Variants in WDR53 observed in about 807,000 individuals in gnomAD.
WDR53 encodes WD repeat-containing protein 53.
In WDR53, 19 loss-of-function variants were observed where a neutral mutation model predicts 21.3. The ratio of observed to expected loss-of-function variants is 0.89; its 90% CI spans 0.62 to 1.31. The LOEUF (loss-of-function observed/expected upper bound fraction) is 1.31, where lower values mean the gene tolerates loss of function less well. Among genes scored for constraint, WDR53 ranks in the 50% most tolerant of loss-of-function variants. WDR53 has a pLI of 0.00. For missense variants in WDR53, 374 were observed against 423.2 expected, an observed-to-expected ratio of 0.88 and a Z score of 1.02; for synonymous variants, 157 against 163.4, an observed-to-expected ratio of 0.96 and a Z score of 0.30.
At chr3:196,560,922 G>A (rs564450844) in intron 3 of WDR53, 74 bp downstream of exon 3, 20 of 1,518,258 alleles carry the variant, frequency 1.3e-5, no homozygotes, top group African/African-American at 5.6e-5. Context: ...AAGATATTTC[G>A]TGTGATCAAT....
chr3:196,558,478 A>G (rs1000662036), intron 3 of WDR53, among the ~76,000 whole-genome samples: 1 of 152,208 alleles, frequency 6.6e-6, no homozygotes, highest in Non-Finnish European at 1.5e-5. Context: ...AAGTGCTGGG[A>G]TCCCAGGCAT....
chr3:196,561,158 T>C lies in WDR53; in HGVS notation c.318A>G (p.Glu106=), dbSNP rs1734809735. Residue 106 remains glutamate (E), a synonymous_variant, in exon 3 of 4, where the codon GAA becomes GAG. Transcript: ENST00000332629. The part of the protein sequence containing the change: ...EINCLSLNQT[E]NLLASADDSG... ...AGTCGTCAGCAGAAGCCAGCAGGTTTTCCGTTTGATTCAATGAAAGACAAT... is the reference window on the plus strand; with the variant it reads ...AGTCGTCAGCAGAAGCCAGCAGGTTCTCCGTTTGATTCAATGAAAGACAAT... The C allele has an allele frequency of 1.2e-6, 2 of 1,614,238 alleles. No homozygotes were observed. The highest frequency in any genetic ancestry group is 1.7e-6 in the Non-Finnish European group (2 of 1,180,038).
chr3:196,560,891 T>C lies in WDR53; in HGVS notation c.480+105A>G, dbSNP rs898572030. 9 of 1,394,464 alleles carry C rather than the reference T, an allele frequency of 6.5e-6. No homozygotes were observed. In the East Asian group the frequency reaches 1.4e-4, roughly 21 times the overall value. The allele number at this position is 1,394,464 out of a possible 1,614,324, so 86.4% of individuals were successfully genotyped here. On this transcript the variant is annotated intron_variant, in intron 3 of 3. Coordinates refer to ENST00000332629, the MANE Select transcript of WDR53 (RefSeq NM_182627.3). ...GCTTATTGTTCATAAATGGATATGT[T>C]AGTAGAAAACAGAAAAAGCAAAGAT...
At chr3:196,554,902 G>A in intron 3 of WDR53, 95 bp from the exon 4 acceptor site, 1 of 1,006,854 alleles carries the variant, frequency 9.9e-7, no homozygotes, top group Non-Finnish European at 1.5e-6. Context: ...CGTTAAAGTA[G>A]TCTGAGAATG....
At chr3:196,568,284 C>G (rs1160298346) in intron 1 of WDR53, among the ~76,000 whole-genome samples, 1 of 152,124 alleles carries the variant, frequency 6.6e-6, no homozygotes. Context: ...GCCTCCGCTG[C>G]CCAAGCTACA....
intron 3 of WDR53, among the ~76,000 whole-genome samples, chr3:196,557,784 C>CT (rs199924744): frequency 0.41 from 57,781 of 142,546 alleles, 12,043 homozygotes; most frequent in Middle Eastern, 0.52. Context: ...TTTTTCTTTT[C>CT]TTTTTTTTTT....
intron 1 of WDR53, among the ~76,000 whole-genome samples, chr3:196,567,714 T>C (rs1248388212): frequency 1.3e-5 from 2 of 151,760 alleles, no homozygotes; most frequent in East Asian, 3.9e-4. Context: ...TGGGGCCACC[T>C]AGGAAATCGT....
Position 196,561,180 on chromosome 3 carries a change from CAATT to C in WDR53, c.292_295del (p.Asn98ValfsTer4). ...GTTTTCCGTTTGATTCAATGAAAGA[CAATT>C]GATTTCTTCTTCATTCACATGAAAA... On this transcript the variant is annotated frameshift_variant, in exon 3 of 4. Transcript: ENST00000332629. LOFTEE classifies it high-confidence loss of function. 6.2e-7 allele frequency: 1 copy of C among 1,614,196 alleles called. No homozygotes were observed. The highest frequency in any genetic ancestry group is 8.5e-7 in the Non-Finnish European group (1 of 1,180,030).
chr3:196,559,610 G>A (rs114910531), intron 3 of WDR53, among the ~76,000 whole-genome samples: 1,684 of 152,256 alleles, frequency 0.011, 31 homozygotes, highest in African/African-American at 0.033. Context: ...CTATTAAAAA[G>A]AACATGGAAT....
At chr3:196,557,505 G>C (rs960933149) in intron 3 of WDR53, among the ~76,000 whole-genome samples, 6 of 152,192 alleles carry the variant, frequency 3.9e-5, no homozygotes, top group African/African-American at 1.4e-4. Context: ...TTGTACCACT[G>C]CACTCCAGCC....
At chr3:196,563,056 C>A (rs1735033725) in intron 2 of WDR53, among the ~76,000 whole-genome samples, 1 of 152,088 alleles carries the variant, frequency 6.6e-6, no homozygotes, top group Non-Finnish European at 1.5e-5. Context: ...GTTGCCCAGG[C>A]TCCAAATATT....
chr3:196,568,240 A>C (rs1735622843), intron 1 of WDR53, among the ~76,000 whole-genome samples: 1 of 152,108 alleles, frequency 6.6e-6, no homozygotes, highest in Non-Finnish European at 1.5e-5. Flanking sequence ...GCCGATACTT[A>C]GGGAGAACGA....
chr3:196,557,770 A>AT (rs545657562), intron 3 of WDR53, among the ~76,000 whole-genome samples: 1 of 147,174 alleles, frequency 6.8e-6, no homozygotes, highest in African/African-American at 2.5e-5. Context: ...TATTTATTTA[A>AT]TTTTTTTTCT....
chr3:196,562,182 T>C (rs1247293070), intron 2 of WDR53, among the ~76,000 whole-genome samples: 3 of 152,206 alleles, frequency 2.0e-5, no homozygotes, highest in East Asian at 3.8e-4. Flanking sequence ...TTGTCAGAAA[T>C]GCAAATTGTC....
In WDR53 at chr3:196,554,418, A is replaced by T. The variant is rs778093635; in HGVS notation, c.870T>A (p.Pro290=). The part of the protein sequence containing the change: ...SPTKRTHRKK[P]KRGTCTKQGG... ...CCTGCTTGGTGCAAGTTCCTCTTTT[A>T]GGTTTCTTCCTGTGGGTACGTTTTG... is the stretch of plus-strand genomic sequence containing the variant. The change falls in exon 4 of 4, where the codon CCT becomes CCA. Residue 290 remains proline, a synonymous_variant. Transcript: ENST00000332629. The T allele has an allele frequency of 6.2e-7, 1 of 1,613,952 alleles. No homozygotes were observed. Among genetic ancestry groups the T allele is most frequent in the Non-Finnish European group, 8.5e-7 (1 of 1,180,028 alleles).
At position 196,556,838 on chromosome 3, in the gene WDR53, T is replaced by C. The variant is rs1734363960; in HGVS notation, c.481-2031A>G. Among the ~76,000 whole-genome samples the C allele has an allele frequency of 2.0e-5, 3 of 152,118 alleles. No homozygotes were observed. The South Asian group carries it at 6.2e-4, about 32-fold the overall frequency. Reference sequence around the variant, plus strand: ...ACTGCACCCAGAGTGTTTCAGCAGCTGAAACACCTTTTGTATTTGACTTAA... The same window carrying C: ...ACTGCACCCAGAGTGTTTCAGCAGCCGAAACACCTTTTGTATTTGACTTAA... On this transcript the variant is annotated intron_variant, in intron 3 of 3. Coordinates refer to ENST00000332629, the MANE Select transcript of WDR53 (RefSeq NM_182627.3).
At chr3:196,568,438 C>T (rs1410608811) in intron 1 of WDR53, 81 bp downstream of exon 1, 3 of 153,074 alleles carry the variant, frequency 2.0e-5, no homozygotes, top group African/African-American at 7.2e-5. Flanking sequence ...AGCCACCAGA[C>T]CAGAAAAAGG....
intron 2 of WDR53, among the ~76,000 whole-genome samples, chr3:196,562,058 C>T (rs1405665180): frequency 6.6e-6 from 1 of 152,144 alleles, no homozygotes; most frequent in Non-Finnish European, 1.5e-5. Flanking sequence ...ACAAGCATTG[C>T]TATTGTTACT....
chr3:196,567,751 T>TTGTGTGTGTGTGTGTGTGTGTG (rs3080583), intron 1 of WDR53, among the ~76,000 whole-genome samples: 157 of 143,662 alleles, frequency 1.1e-3, no homozygotes, highest in African/African-American at 3.9e-3. Context: ...GCTGAAATTC[T>TTGTGTGTGTGTGTGTGTGTGTG]TGTGTGTGTG....
Sources: allele counts gnomAD v4.1 joint callset (sites outside exome capture counted in the v4.1 genomes callset), GRCh38; gene constraint gnomAD v4.1.1; transcripts MANE v1.5; gene names NCBI Gene and HGNC (gene_info 2026-07-23, HGNC 2026-07-21).